ENOX1: variants seen among roughly 807,000 people sequenced by gnomAD.
The protein encoded by ENOX1 is ecto-NOX disulfide-thiol exchanger 1, also known as candidate growth-related and time keeping constitutive hydroquinone (NADH) oxidase.
In ENOX1, 42 loss-of-function variants were observed where a neutral mutation model predicts 82.5. The ratio of observed to expected loss-of-function variants is 0.51; its 90% CI spans 0.40 to 0.66. ENOX1 has a LOEUF of 0.66. Ranked by LOEUF, ENOX1 falls within the 30% of genes least tolerant of loss-of-function variation. The probability of loss-of-function intolerance (pLI) is 0.00; values close to 1 mark genes in which losing one functional copy is unlikely to be tolerated. For synonymous variants in ENOX1, 271 were observed against 282.2 expected (o/e 0.96, Z 0.40); for missense variants, 608 against 811.6 (o/e 0.75, Z 3.05).
chr13:43,213,886 C>T lies in ENOX1; in HGVS notation c.*104G>A. On this transcript the variant is annotated 3_prime_UTR_variant, in exon 17 of 17. Coordinates refer to ENST00000690772, the MANE Select transcript of ENOX1 (RefSeq NM_001347969.2). ...CTAAAGGCAGGCTTCGATGGCTCCA[C>T]AAAGGTTGCGTGCTGGACCAACCCC... 7.4e-7 allele frequency: 1 copy of T among 1,344,174 alleles called. No homozygotes were observed. 83.3% of individuals were successfully genotyped at this position (1,344,174 alleles called of 1,614,324 possible). A position where few individuals can be genotyped will look rare whatever the true frequency, so the allele number is the denominator to read the frequency against.
chr13:43,751,630 T>C (rs1489604107), intron 1 of ENOX1, among the ~76,000 whole-genome samples: 1 of 152,132 alleles, frequency 6.6e-6, no homozygotes, highest in Non-Finnish European at 1.5e-5. Flanking sequence ...AATCATGCAA[T>C]ATGTAGTCTT....
At chr13:43,425,051 G>C (rs78144599) in intron 3 of ENOX1, among the ~76,000 whole-genome samples, 99 of 152,224 alleles carry the variant, frequency 6.5e-4, no homozygotes, top group African/African-American at 2.3e-3. Flanking sequence ...GTGTCCAAAA[G>C]GTATTCAGGC....
At chr13:43,617,639 G>A (rs1324034584) in intron 2 of ENOX1, among the ~76,000 whole-genome samples, 2 of 152,162 alleles carry the variant, frequency 1.3e-5, no homozygotes, top group Non-Finnish European at 2.9e-5. Context: ...AGGTATTTGG[G>A]CTGGTTCCAC....
chr13:43,712,188 C>T lies in ENOX1; in HGVS notation c.-284-44644G>A, dbSNP rs1594521337. On this transcript the variant is annotated intron_variant, in intron 1 of 16. Transcript: ENST00000690772. ...ATTTATTAAATAGGGAATCCTTTCC[C>T]CATTGCTTGTTTTTCTCAGGTTTGT... Among the ~76,000 whole-genome samples, 14 of 145,886 alleles carry T rather than the reference C, an allele frequency of 9.6e-5. No individual in the cohort carries two copies. The South Asian group carries it at 3.0e-3, about 31-fold the overall frequency.
intron 16 of ENOX1, among the ~76,000 whole-genome samples, chr13:43,219,759 A>G (rs1169548397): frequency 6.6e-6 from 1 of 152,158 alleles, no homozygotes; most frequent in Non-Finnish European, 1.5e-5. Flanking sequence ...ACATGTACAA[A>G]TGGACACAAG....
At chr13:43,378,690 T>A (rs1415484940) in intron 5 of ENOX1, among the ~76,000 whole-genome samples, 1 of 152,154 alleles carries the variant, frequency 6.6e-6, no homozygotes, top group Non-Finnish European at 1.5e-5. Context: ...TGCTTCCCAG[T>A]AACTTAAATG....
intron 2 of ENOX1, chr13:43,546,300 A>C (rs984697400): frequency 6.6e-6 from 1 of 152,302 alleles, no homozygotes; most frequent in African/African-American, 2.4e-5. Context: ...TAAACCAAAA[A>C]GTAAAGGAAG....
chr13:43,421,826 A>AAT (rs570374319), intron 3 of ENOX1, among the ~76,000 whole-genome samples: 3 of 150,602 alleles, frequency 2.0e-5, no homozygotes, highest in Non-Finnish European at 3.0e-5. Context: ...GTAGGTGTTA[A>AAT]ATATATATAT....
In ENOX1 at chr13:43,229,529, A is replaced by T. The variant is rs144136800; in HGVS notation, c.1715-5391T>A. Among the ~76,000 whole-genome samples the T allele has an allele frequency of 6.6e-5, 10 of 152,252 alleles. No individual in the cohort carries two copies. The East Asian group carries it at 1.9e-3, about 29-fold the overall frequency. ...CACGCAGGACCTTGTGTGCCAGGGG[A>T]AAGAGTTTGGATTAGATTTAAATTC... On this transcript the variant is annotated intron_variant, in intron 15 of 16. Transcript: ENST00000690772.
chr13:43,216,175 G>A (rs965091163), intron 16 of ENOX1, among the ~76,000 whole-genome samples: 7 of 151,896 alleles, frequency 4.6e-5, no homozygotes, highest in African/African-American at 1.7e-4. Context: ...TCCATCCTGG[G>A]GGACAGAGAG....
At chr13:43,267,376 G>A (rs1468573202) in intron 13 of ENOX1, among the ~76,000 whole-genome samples, 1 of 152,230 alleles carries the variant, frequency 6.6e-6, no homozygotes, top group Non-Finnish European at 1.5e-5. Flanking sequence ...TGGGAAGACT[G>A]AGAGCTTAGG....
chr13:43,378,249 G>A (rs922103541), intron 5 of ENOX1, among the ~76,000 whole-genome samples: 3 of 152,222 alleles, frequency 2.0e-5, no homozygotes, highest in Admixed American at 6.5e-5. Flanking sequence ...TACAGCACAG[G>A]GAAGAGGAAC....
In ENOX1 at chr13:43,445,534, T is replaced by C. The variant is rs570537051; in HGVS notation, c.-74-32546A>G. On this transcript the variant is annotated intron_variant, in intron 3 of 16. Coordinates refer to ENST00000690772, the MANE Select transcript of ENOX1 (RefSeq NM_001347969.2). The stretch of plus-strand genomic sequence containing the variant: ...TGGTCCAGGACTGCAGAATGAGGAA[T>C]GGCGCTCAGGTCTTTCCTGGCTTGG... 2.0e-5 allele frequency among the ~76,000 whole-genome samples: 3 copies of C among 152,184 alleles called. No homozygotes were observed. In the East Asian group the frequency reaches 5.8e-4, roughly 29 times the overall value.
intron 14 of ENOX1, among the ~76,000 whole-genome samples, chr13:43,246,398 C>T (rs1275554883): frequency 6.6e-6 from 1 of 152,206 alleles, no homozygotes; most frequent in Non-Finnish European, 1.5e-5. Flanking sequence ...ATAGTCCTAG[C>T]TCACTCAGGA....
rs138086830 is a variant in ENOX1, at chr13:43,544,754, C to A, written c.-218-60602G>T. The A allele has an allele frequency of 1.9e-3, 288 of 152,234 alleles. 6 individuals are homozygous for A. Among genetic ancestry groups the A allele is most frequent in the African/African-American group, 6.7e-3 (278 of 41,540 alleles). 9.4% of individuals were successfully genotyped at this position (152,234 alleles called of 1,614,324 possible). On this transcript the variant is annotated intron_variant, in intron 2 of 16. Coordinates refer to ENST00000690772, the MANE Select transcript of ENOX1 (RefSeq NM_001347969.2). ...CAAAAGTCAAGCTTCATCCAGTAAGCGTCACCTTACCTGGCAGAGGTTTAG... is the reference window on the plus strand; with the variant it reads ...CAAAAGTCAAGCTTCATCCAGTAAGAGTCACCTTACCTGGCAGAGGTTTAG...
intron 12 of ENOX1, among the ~76,000 whole-genome samples, chr13:43,291,854 C>T (rs866647874): frequency 7.2e-5 from 11 of 152,282 alleles, no homozygotes; most frequent in South Asian, 4.1e-4. Flanking sequence ...CCAGGAGTTC[C>T]TAGTGTATGA....
chr13:43,413,718 TTTATA>T lies in ENOX1; in HGVS notation c.-74-735_-74-731del, dbSNP rs2054280888. ...ATATATTTTTATATATTTATATATA[TTTATA>T]TATATATATTTATATATAGTCTTTT... On this transcript the variant is annotated intron_variant, in intron 3 of 16. Transcript: ENST00000690772. Among the ~76,000 whole-genome samples the T allele has an allele frequency of 6.9e-5, 10 of 144,664 alleles. No individual in the cohort carries two copies. In the South Asian group the frequency reaches 1.9e-3, roughly 27 times the overall value. 94.9% of individuals were successfully genotyped at this position (144,664 alleles called of 152,430 possible).
At chr13:43,662,128 C>T (rs1040094373) in intron 2 of ENOX1, among the ~76,000 whole-genome samples, 15 of 152,104 alleles carry the variant, frequency 9.9e-5, no homozygotes, top group African/African-American at 3.6e-4. Context: ...TCCATTAGGC[C>T]CGATATTGCC....
At chr13:43,267,259 G>A (rs2044432656) in intron 13 of ENOX1, among the ~76,000 whole-genome samples, 1 of 152,192 alleles carries the variant, frequency 6.6e-6, no homozygotes, top group African/African-American at 2.4e-5. Context: ...TGAAACTGAG[G>A]TTTGTGAACA....
Sources: allele counts gnomAD v4.1 joint callset (sites outside exome capture counted in the v4.1 genomes callset), GRCh38; gene constraint gnomAD v4.1.1; transcripts MANE v1.5; gene names NCBI Gene and HGNC (gene_info 2026-07-23, HGNC 2026-07-21).